The following ERG variants were observed in gnomAD, a reference collection of about 807,000 sequenced individuals.
The protein encoded by ERG is ETS transcription factor ERG, also known as transcriptional regulator ERG.
In ERG, 9 loss-of-function variants were observed where a neutral mutation model predicts 55.3. The observed-to-expected ratio is 0.16, with a 90% CI of 0.10 to 0.28. The LOEUF (loss-of-function observed/expected upper bound fraction) is 0.28. Ranked by LOEUF, ERG falls within the 10% of genes least tolerant of loss-of-function variation. The pLI is 1.00. For synonymous variants in ERG, 223 were observed against 237.3 expected (o/e 0.94, Z 0.55); for missense variants, 434 against 631.6 (o/e 0.69, Z 3.35).
At chr21:38,443,994 T>C (rs999288390) in intron 2 of ERG, among the ~76,000 whole-genome samples, 1 of 152,170 alleles carries the variant, frequency 6.6e-6, no homozygotes, top group African/African-American at 2.4e-5. Context: ...GCAAACTGAC[T>C]TCTCAGAGTG....
chr21:38,372,798 G>C, the ERG span, among the ~76,000 whole-genome samples: 1 of 151,306 alleles, frequency 6.6e-6, no homozygotes, highest in Non-Finnish European at 1.5e-5. Context: ...ACCCCATTAA[G>C]TCAAGTTTGT....
chr21:38,624,043 C>T (rs979800724), intron 1 of ERG, among the ~76,000 whole-genome samples: 6 of 152,190 alleles, frequency 3.9e-5, no homozygotes, highest in African/African-American at 1.2e-4. Context: ...TAAAGCATCT[C>T]GGCCTTCATC....
At chr21:38,633,406 A>C (rs2060368841) in intron 1 of ERG, among the ~76,000 whole-genome samples, 2 of 152,200 alleles carry the variant, frequency 1.3e-5, no homozygotes, top group South Asian at 4.1e-4. Flanking sequence ...AATAGAAAAA[A>C]AATCATTTAA....
chr21:38,477,725 T>C (rs2059201755), intron 1 of ERG, among the ~76,000 whole-genome samples: 1 of 152,132 alleles, frequency 6.6e-6, no homozygotes, highest in South Asian at 2.1e-4. Flanking sequence ...CCCTATGACA[T>C]AGAGCTGGCT....
chr21:38,562,125 C>T (rs1186463106), intron 2 of ERG, among the ~76,000 whole-genome samples: 3 of 152,184 alleles, frequency 2.0e-5, no homozygotes, highest in Admixed American at 6.5e-5. Flanking sequence ...CAACGTAGTG[C>T]ATCTACCCTT....
chr21:38,408,153 G>A (rs900610862), intron 3 of ERG, among the ~76,000 whole-genome samples: 11 of 152,062 alleles, frequency 7.2e-5, no homozygotes, highest in South Asian at 2.1e-4. Context: ...ATGGCCACTC[G>A]GTAGAAGAAA....
intron 1 of ERG, among the ~76,000 whole-genome samples, chr21:38,595,521 G>A (rs535384284): frequency 6.6e-6 from 1 of 152,308 alleles, no homozygotes; most frequent in South Asian, 2.1e-4. Flanking sequence ...GGCCTGTGAG[G>A]TTGGTCAATG....
chr21:38,463,467 T>C lies in ERG; in HGVS notation c.19-17846A>G, dbSNP rs1369148071. Among the ~76,000 whole-genome samples the C allele has an allele frequency of 2.6e-5, 4 of 152,208 alleles. No homozygotes were observed. The South Asian group carries it at 8.3e-4, about 32-fold the overall frequency. ...CAGAGACTTTTTTCTATTTTTTCTC[T>C]TTTTCAGAGCCTGTAAGTGTCCACA... On this transcript the variant is annotated intron_variant, in intron 1 of 9. Transcript: ENST00000288319.
Position 38,510,280 on chromosome 21 carries a change from C to T in ERG, c.-41+65382G>A, listed in dbSNP as rs186536947. On this transcript the variant is annotated intron_variant, in intron 2 of 8. Coordinates refer to the ERG transcript ENST00000398897. Reference sequence around the variant, plus strand: ...GGACACCCAAAACTCACCTCCCAGACGGAGCTAGGATTTGAGATACTGGAT... The same window carrying T: ...GGACACCCAAAACTCACCTCCCAGATGGAGCTAGGATTTGAGATACTGGAT... 7.2e-4 allele frequency among the ~76,000 whole-genome samples: 110 copies of T among 152,340 alleles called. No individual in the cohort carries two copies. In the Middle Eastern group the frequency reaches 0.01, roughly 14 times the overall value.
At chr21:38,442,631 C>T (rs756127148) in intron 2 of ERG, among the ~76,000 whole-genome samples, 22 of 152,152 alleles carry the variant, frequency 1.4e-4, no homozygotes, top group Admixed American at 2.6e-4. Context: ...GCCTGGGGCT[C>T]AGGGTTACCC....
At chr21:38,642,590 A>G (rs146695746) in intron 1 of ERG, among the ~76,000 whole-genome samples, 260 of 152,286 alleles carry the variant, frequency 1.7e-3, no homozygotes, top group Non-Finnish European at 3.2e-3. Context: ...CCTTTGTATT[A>G]ATAGGTAACA....
At chr21:38,612,736 T>C (rs1042718864) in intron 1 of ERG, among the ~76,000 whole-genome samples, 10 of 151,068 alleles carry the variant, frequency 6.6e-5, no homozygotes, top group African/African-American at 1.7e-4. Flanking sequence ...CAATCTCGGC[T>C]CACTGCAACC....
At chr21:38,369,401 C>A in the ERG span, among the ~76,000 whole-genome samples, 2 of 152,136 alleles carry the variant, frequency 1.3e-5, no homozygotes, top group Non-Finnish European at 2.9e-5. Flanking sequence ...TAATTGTTGG[C>A]CACATGTATG....
At chr21:38,650,760 G>A (rs2060484189) in intron 1 of ERG, among the ~76,000 whole-genome samples, 1 of 152,208 alleles carries the variant, frequency 6.6e-6, no homozygotes, top group Non-Finnish European at 1.5e-5. Flanking sequence ...AAGCACTGTG[G>A]ATTGACTTCA....
intron 1 of ERG, among the ~76,000 whole-genome samples, chr21:38,613,128 C>A (rs77903141): frequency 0.063 from 9,546 of 152,188 alleles, 949 homozygotes; most frequent in African/African-American, 0.22. Flanking sequence ...TTTTAAGCAC[C>A]GCATAGGAAG....
chr21:38,543,542 T>A (rs552678417), intron 2 of ERG, among the ~76,000 whole-genome samples: 1 of 152,140 alleles, frequency 6.6e-6, no homozygotes, highest in South Asian at 2.1e-4. Flanking sequence ...TCAGTGAACA[T>A]CATTGAGCAT....
chr21:38,588,018 T>A (rs995045805), upstream of ERG, among the ~76,000 whole-genome samples: 1 of 152,170 alleles, frequency 6.6e-6, no homozygotes, highest in Non-Finnish European at 1.5e-5. Context: ...CTGAGAGCAT[T>A]TACCTGACAA....
chr21:38,557,828 C>A (rs568644106), intron 2 of ERG, among the ~76,000 whole-genome samples: 1 of 152,292 alleles, frequency 6.6e-6, no homozygotes, highest in South Asian at 2.1e-4. Flanking sequence ...ACCCCAGCAT[C>A]ACCTGCATAT....
chr21:38,641,193 T>TG, intron 1 of ERG, among the ~76,000 whole-genome samples: 1 of 152,240 alleles, frequency 6.6e-6, no homozygotes, highest in Non-Finnish European at 1.5e-5. Flanking sequence ...CATTAGGAGC[T>TG]GGGGGGCCTT....
Sources: gnomAD v4.1 joint callset for allele counts (sites outside exome capture counted in the v4.1 genomes callset) on GRCh38, gnomAD v4.1.1 for gene constraint, MANE v1.5 for transcripts, NCBI Gene and HGNC (gene_info 2026-07-23, HGNC 2026-07-21) for gene names.